Variants in NUP210L observed in about 807,000 individuals in gnomAD.
NUP210L encodes nuclear pore membrane glycoprotein 210-like.
A neutral mutation model predicts 208.5 loss-of-function variants in NUP210L; 74 were observed. The observed-to-expected ratio is 0.35, with a 90% CI of 0.29 to 0.43. NUP210L has a LOEUF of 0.43. NUP210L is among the 20% of genes least tolerant of loss of function. The pLI is 1.00. For missense variants in NUP210L, 1,843 were observed against 2,289.4 expected (o/e 0.81, Z 3.98); for synonymous variants, 780 against 816.9 (o/e 0.95, Z 0.77).
chr1:154,113,582 A>G (rs574372630), intron 12 of NUP210L, among the ~76,000 whole-genome samples: 27 of 152,268 alleles, frequency 1.8e-4, no homozygotes, highest in Admixed American at 1.6e-3. Flanking sequence ...GTATTAGGCC[A>G]GGCGTGGTGG....
Position 153,993,051 on chromosome 1 carries a change from C to T in NUP210L, c.5530G>A (p.Val1844Ile), listed in dbSNP as rs755723326. The T allele has an allele frequency of 4.3e-6, 7 of 1,613,540 alleles. No individual in the cohort carries two copies. The East Asian group carries it at 1.1e-4, about 26-fold the overall frequency. The stretch of plus-strand genomic sequence containing the variant: ...GTTCCTAGAGTTGGTACATACACAA[C>T]TGGAACTGTTTGTATCTTGTTTAGG... Residue 1844 changes from valine to isoleucine, a missense_variant, in exon 39 of 40, where the codon GTT (valine) becomes ATT (isoleucine). Physicochemically the swap from Val to Ile is conservative, Grantham distance 29. This residue lies in a region of NUP210L where 108 missense variants were observed against 91.1 expected (regional missense o/e 1.18). Transcript: ENST00000368559.
At chr1:154,046,146 T>A in exon 27 of NUP210L, 1 of 1,614,126 alleles carries the variant, frequency 6.2e-7, no homozygotes, top group Non-Finnish European at 8.5e-7. Context: ...GGATTAGCAT[T>A]GCTGAAGGAG....
intron 35 of NUP210L, 85 bp downstream of exon 35, chr1:154,009,887 A>T (rs1282226978): frequency 9.0e-7 from 1 of 1,115,602 alleles, no homozygotes; most frequent in Non-Finnish European, 1.3e-6. Context: ...GAAACTACAG[A>T]TATAAATGCA....
intron 16 of NUP210L, among the ~76,000 whole-genome samples, chr1:154,074,399 C>T (rs916230638): frequency 1.3e-5 from 2 of 152,004 alleles, no homozygotes; most frequent in East Asian, 3.9e-4. Context: ...CTTCCTTCCT[C>T]AATTTATTTT....
chr1:154,141,473 T>C, exon 4 of NUP210L: 2 of 1,613,226 alleles, frequency 1.2e-6, no homozygotes, highest in African/African-American at 2.7e-5. Context: ...CTCGTTGTCC[T>C]GGGCAATGCT....
chr1:154,025,798 T>C (rs757247921), intron 29 of NUP210L, 82 bp from the exon 30 acceptor site: 2 of 1,203,850 alleles, frequency 1.7e-6, no homozygotes, highest in Non-Finnish European at 2.3e-6. Context: ...CCAGGATTAC[T>C]GTTAGGGGAT....
intron 16 of NUP210L, among the ~76,000 whole-genome samples, chr1:154,073,754 G>T (rs1338493631): frequency 6.6e-6 from 1 of 151,564 alleles, no homozygotes; most frequent in Admixed American, 6.6e-5. Flanking sequence ...GGTGGGGGTT[G>T]CAGTGAGCCG....
At chr1:154,080,292 G>A (rs932345662) in intron 16 of NUP210L, among the ~76,000 whole-genome samples, 13 of 151,664 alleles carry the variant, frequency 8.6e-5, no homozygotes, top group African/African-American at 2.4e-4. Context: ...CCTGGGAGGC[G>A]GAGGTTGCAG....
chr1:154,034,160 T>C (rs1197798127), intron 27 of NUP210L, among the ~76,000 whole-genome samples: 1 of 152,182 alleles, frequency 6.6e-6, no homozygotes, highest in Non-Finnish European at 1.5e-5. Flanking sequence ...GATAGGTCTT[T>C]GCCTGTTTTT....
intron 13 of NUP210L, among the ~76,000 whole-genome samples, chr1:154,101,648 T>G (rs1242244316): frequency 6.6e-6 from 1 of 152,128 alleles, no homozygotes; most frequent in Non-Finnish European, 1.5e-5. Flanking sequence ...ATTCATAGTT[T>G]CAAGGGGAAA....
At chr1:154,103,097 T>TAATA (rs984122037) in intron 13 of NUP210L, among the ~76,000 whole-genome samples, 7 of 151,188 alleles carry the variant, frequency 4.6e-5, no homozygotes, top group Admixed American at 1.3e-4. Context: ...ATAATAATAA[T>TAATA]AATAAATAAA....
At chr1:154,103,468 C>G (rs922095763) in intron 13 of NUP210L, among the ~76,000 whole-genome samples, 6 of 150,638 alleles carry the variant, frequency 4.0e-5, no homozygotes, top group African/African-American at 1.2e-4. Flanking sequence ...CTCAGGAGAT[C>G]GAGACCATCC....
At chr1:154,122,731 A>G (rs6691826) in intron 10 of NUP210L, among the ~76,000 whole-genome samples, 46,195 of 151,988 alleles carry the variant, frequency 0.3, 7,904 homozygotes, top group Admixed American at 0.45. Flanking sequence ...TGCTGGTGGA[A>G]TGTAACATGG....
rs763402505 is a variant in NUP210L at position 154,046,056 on chromosome 1, G to A, written c.3696+13C>T. The A allele has an allele frequency of 1.2e-5, 19 of 1,610,552 alleles. No individual in the cohort carries two copies. In the Admixed American group the frequency reaches 2.2e-4, roughly 19 times the overall value. The stretch of plus-strand genomic sequence containing the variant: ...GATCCCTAAGATAACACAATAAACA[G>A]GCAAATTCTTACCTCTGAATGCCTG... On this transcript the variant is annotated intron_variant, in intron 27 of 39. Transcript: ENST00000368559.
intron 32 of NUP210L, among the ~76,000 whole-genome samples, chr1:154,019,587 A>C (rs927030970): frequency 6.6e-6 from 1 of 152,094 alleles, no homozygotes; most frequent in Non-Finnish European, 1.5e-5. Flanking sequence ...CCAAAATTCC[A>C]GATTGGAAGA....
intron 35 of NUP210L, among the ~76,000 whole-genome samples, chr1:154,008,335 G>C (rs1182361190): frequency 3.3e-5 from 5 of 152,014 alleles, no homozygotes; most frequent in Non-Finnish European, 7.4e-5. Flanking sequence ...GATCACTTGA[G>C]GCTAAGAGTT....
At chr1:154,133,070 T>C (rs575669893) in intron 7 of NUP210L, among the ~76,000 whole-genome samples, 3 of 152,332 alleles carry the variant, frequency 2.0e-5, no homozygotes, top group African/African-American at 7.2e-5. Context: ...TCCCCTACTC[T>C]ATTACTTCTA....
At chr1:154,082,267 G>C (rs577803837) in intron 16 of NUP210L, among the ~76,000 whole-genome samples, 2 of 152,304 alleles carry the variant, frequency 1.3e-5, no homozygotes, top group Middle Eastern at 6.8e-3. Flanking sequence ...AGTGAGGGCA[G>C]TCTTGTTGGG....
intron 16 of NUP210L, among the ~76,000 whole-genome samples, chr1:154,083,035 A>G (rs537291571): frequency 6.6e-6 from 1 of 152,340 alleles, no homozygotes; most frequent in Non-Finnish European, 1.5e-5. Flanking sequence ...CAGCTCATGA[A>G]GGTAGTGTGG....
Sources: gnomAD v4.1 joint callset for allele counts (sites outside exome capture counted in the v4.1 genomes callset) on GRCh38, gnomAD v4.1.1 for gene constraint, gnomAD v4.1.1 regional missense constraint, MANE v1.5 for transcripts, NCBI Gene and HGNC (gene_info 2026-07-23, HGNC 2026-07-21) for gene names.